Variants in ROCK2 observed in about 807,000 individuals in gnomAD.
ROCK2 encodes the protein Rho associated coiled-coil containing protein kinase 2.
A neutral mutation model predicts 195.1 loss-of-function variants in ROCK2; 61 were observed. That is an observed-to-expected ratio of 0.31 (90% CI 0.25 to 0.39). The LOEUF (loss-of-function observed/expected upper bound fraction) is 0.39. ROCK2 is among the 10% of genes least tolerant of loss of function. ROCK2 has a pLI of 1.00. For missense variants in ROCK2, 1,109 were observed against 1,637.4 expected, an observed-to-expected ratio of 0.68 and a Z score of 5.57; for synonymous variants, 504 against 545.5, an observed-to-expected ratio of 0.92 and a Z score of 1.06.
chr2:11,186,411 G>A (rs1200907044), intron 32 of ROCK2, among the ~76,000 whole-genome samples: 1 of 152,130 alleles, frequency 6.6e-6, no homozygotes, highest in African/African-American at 2.4e-5. Context: ...AAGTCTAATC[G>A]CTAGATGCGA....
chr2:11,184,394 A>G (rs1326518058), intron 32 of ROCK2, among the ~76,000 whole-genome samples: 1 of 152,220 alleles, frequency 6.6e-6, no homozygotes, highest in African/African-American at 2.4e-5. Context: ...AACAGAACGT[A>G]TCAGAATTAA....
intron 3 of ROCK2, among the ~76,000 whole-genome samples, chr2:11,264,664 A>C (rs1485601389): frequency 1.3e-5 from 2 of 152,170 alleles, no homozygotes; most frequent in Admixed American, 6.5e-5. Flanking sequence ...GCCATTATAT[A>C]AACTGTATTT....
At position 11,257,528 on chromosome 2, in the gene ROCK2, G is replaced by A. The variant is rs570891960; in HGVS notation, c.325-7730C>T. Among the ~76,000 whole-genome samples, 173 of 151,572 alleles carry A rather than the reference G, an allele frequency of 1.1e-3. 2 individuals carry two copies. Among genetic ancestry groups the A allele is most frequent in the Non-Finnish European group, 2.0e-3 (134 of 68,032 alleles). ...CGTACAACATGTTTTGAGTAGCCTT[G>A]CTGTGAGTTTCTTCGAGTTGCTGCT... On this transcript the variant is annotated intron_variant, in intron 3 of 32. Transcript: ENST00000315872.
intron 3 of ROCK2, among the ~76,000 whole-genome samples, chr2:11,252,973 A>ATAAT (rs1665891577): frequency 7.2e-6 from 1 of 138,658 alleles, no homozygotes; most frequent in Admixed American, 7.1e-5. Context: ...AATAATAATA[A>ATAAT]TAATAATAAT....
In ROCK2 at chr2:11,222,075, T is replaced by C. The variant is rs761208713; in HGVS notation, c.1099+8A>G. The C allele has an allele frequency of 1.3e-6, 2 of 1,531,944 alleles. No individual in the cohort carries two copies. Among genetic ancestry groups the C allele is most frequent in the South Asian group, 2.3e-5 (2 of 88,816 alleles). The allele number at this position is 1,531,944 out of a possible 1,614,324, so 94.9% of individuals were successfully genotyped here. A position where few individuals can be genotyped will look rare whatever the true frequency, so the allele number is the denominator to read the frequency against. On this transcript the variant is annotated splice_region_variant and intron_variant, in intron 8 of 32. Transcript: ENST00000315872. ...ATGGAATGAAAATATTTAGGTTTAT[T>C]GACTTACTTTCTCTTATGTTATCCC... is the stretch of plus-strand genomic sequence containing the variant.
chr2:11,270,630 T>C (rs6720821), intron 3 of ROCK2, among the ~76,000 whole-genome samples: 3,451 of 152,300 alleles, frequency 0.023, 61 homozygotes, highest in East Asian at 0.052. Flanking sequence ...TTGTTCAGTC[T>C]AGCAATAAGT....
At chr2:11,219,515 C>A (rs1230827608) in intron 9 of ROCK2, among the ~76,000 whole-genome samples, 1 of 151,824 alleles carries the variant, frequency 6.6e-6, no homozygotes, top group Non-Finnish European at 1.5e-5. Flanking sequence ...CATCTCAATC[C>A]ATCCATCAAT....
At chr2:11,194,482 T>A (rs1663550153) in intron 28 of ROCK2, 138 bp from the exon 29 acceptor site, 1 of 375,128 alleles carries the variant, frequency 2.7e-6, no homozygotes, top group South Asian at 1.3e-4. Context: ...AATATATCTT[T>A]AGGACAGTCT....
intron 9 of ROCK2, 76 bp downstream of exon 9, chr2:11,221,122 T>C (rs1482146169): frequency 1.4e-5 from 15 of 1,083,180 alleles, no homozygotes; most frequent in Admixed American, 2.9e-5. Flanking sequence ...CTCCTATAAT[T>C]GAGTCTCAAA....
At chr2:11,251,127 T>G (rs1484228261) in intron 3 of ROCK2, among the ~76,000 whole-genome samples, 2 of 152,222 alleles carry the variant, frequency 1.3e-5, no homozygotes, top group African/African-American at 2.4e-5. Context: ...TGCCAGCATA[T>G]TCCATATTCC....
chr2:11,252,256 C>G (rs1336452769), intron 3 of ROCK2, among the ~76,000 whole-genome samples: 1 of 151,892 alleles, frequency 6.6e-6, no homozygotes, highest in Non-Finnish European at 1.5e-5. Flanking sequence ...ACCAAAAATA[C>G]AAAAATTAGC....
Position 11,201,158 on chromosome 2 carries a change from T to C in ROCK2, c.2724-15A>G. The C allele has an allele frequency of 1.3e-6, 2 of 1,586,884 alleles. No homozygotes were observed. Among genetic ancestry groups the C allele is most frequent in the African/African-American group, 1.4e-5 (1 of 73,560 alleles). ...CCAAAGAGTCCCTACATTTTAGCAA[T>C]ATATCATTTTAATGGTTCAGTTTTC... On this transcript the variant is annotated splice_polypyrimidine_tract_variant and intron_variant, in intron 22 of 32. Coordinates refer to ENST00000315872, the MANE Select transcript of ROCK2 (RefSeq NM_004850.5). This position sits in a 1 kb window ranked among gnomAD's most constrained non-coding sequence, Gnocchi z 4.6.
intron 6 of ROCK2, among the ~76,000 whole-genome samples, chr2:11,226,164 A>T (rs1034156750): frequency 3.3e-5 from 5 of 152,124 alleles, no homozygotes; most frequent in Admixed American, 3.3e-4. Context: ...TGGAAAGTGG[A>T]TTTAACTACA....
intron 3 of ROCK2, among the ~76,000 whole-genome samples, chr2:11,262,238 C>G (rs1216264106): frequency 6.6e-6 from 1 of 151,286 alleles, no homozygotes; most frequent in African/African-American, 2.4e-5. Context: ...ACTGGCTATA[C>G]ATATGAAAAA....
chr2:11,259,616 A>G (rs1666154197), intron 3 of ROCK2, among the ~76,000 whole-genome samples: 2 of 150,130 alleles, frequency 1.3e-5, no homozygotes, highest in African/African-American at 5.0e-5. Flanking sequence ...AAGTTTATGT[A>G]GCTAACGGTG....
At chr2:11,303,624 C>CCCTTGA (rs1667771129) in intron 1 of ROCK2, among the ~76,000 whole-genome samples, 1 of 152,082 alleles carries the variant, frequency 6.6e-6, no homozygotes, top group East Asian at 1.9e-4. Context: ...AAGAAAAAAT[C>CCCTTGA]CCTTGACCCT....
intron 1 of ROCK2, among the ~76,000 whole-genome samples, chr2:11,330,761 G>GGAGGAGGAGGAGGGAGGAGGAGGAGT (rs1668701676): frequency 9.3e-6 from 1 of 107,298 alleles, no homozygotes; most frequent in Non-Finnish European, 2.0e-5. Flanking sequence ...GGAGGAGGAG[G>GGAGGAGGAGGAGGGAGGAGGAGGAGT]GAGGAGGAGG....
chr2:11,224,249 A>T, intron 7 of ROCK2, 73 bp downstream of exon 7: 6 of 1,364,986 alleles, frequency 4.4e-6, no homozygotes, highest in Non-Finnish European at 6.1e-6. Context: ...ATATGTTAAT[A>T]AGCTAGGCAT....
intron 3 of ROCK2, among the ~76,000 whole-genome samples, chr2:11,257,077 T>A (rs1666061376): frequency 6.6e-6 from 1 of 151,608 alleles, no homozygotes; most frequent in African/African-American, 2.4e-5. Flanking sequence ...AAACAAATTA[T>A]AATTACAAAG....
Sources: allele counts gnomAD v4.1 joint callset (sites outside exome capture counted in the v4.1 genomes callset), GRCh38; gene constraint gnomAD v4.1.1; non-coding constraint Gnocchi (gnomAD v3.1); transcripts MANE v1.5; gene names NCBI Gene and HGNC (gene_info 2026-07-23, HGNC 2026-07-21).